PIAS1: variants seen among roughly 807,000 people sequenced by gnomAD.
PIAS1 encodes E3 SUMO-protein ligase PIAS1.
PIAS1 carries 6 observed loss-of-function variants against 71.3 expected under a neutral mutation model. That is an observed-to-expected ratio of 0.08 (90% CI 0.05 to 0.17). The LOEUF (loss-of-function observed/expected upper bound fraction) is 0.17. Among genes scored for constraint, PIAS1 ranks in the 10% least tolerant of loss-of-function variants. PIAS1 has a pLI of 1.00. For synonymous variants in PIAS1, 303 were observed against 292.9 expected (o/e 1.03, Z -0.35); for missense variants, 555 against 793.6 (o/e 0.70, Z 3.61).
At chr15:68,065,778 T>C (rs1388464320) in intron 1 of PIAS1, among the ~76,000 whole-genome samples, 1 of 144,786 alleles carries the variant, frequency 6.9e-6, no homozygotes. Flanking sequence ...TCTCCCTCTC[T>C]TGCCCAGGCT....
At chr15:68,177,981 C>G (rs1371447366) in intron 11 of PIAS1, among the ~76,000 whole-genome samples, 1 of 152,234 alleles carries the variant, frequency 6.6e-6, no homozygotes, top group Non-Finnish European at 1.5e-5. Flanking sequence ...GGCATTGTTA[C>G]AACACCAGAT....
At chr15:68,176,398 T>TAC (rs1677498427) in intron 10 of PIAS1, 76 bp from the exon 11 acceptor site, 16 of 931,798 alleles carry the variant, frequency 1.7e-5, no homozygotes, top group Non-Finnish European at 2.5e-5. Flanking sequence ...CTGTAACTGA[T>TAC]AAACTGTAGT....
At chr15:68,075,305 C>T (rs1177402608) in intron 1 of PIAS1, among the ~76,000 whole-genome samples, 3 of 151,804 alleles carry the variant, frequency 2.0e-5, no homozygotes, top group Non-Finnish European at 4.4e-5. Flanking sequence ...AGGCTGGTCT[C>T]GAACTCCTGA....
intron 2 of PIAS1, among the ~76,000 whole-genome samples, chr15:68,131,635 T>C (rs2092688522): frequency 6.6e-6 from 1 of 152,232 alleles, no homozygotes; most frequent in Non-Finnish European, 1.5e-5. Flanking sequence ...TTAATAAGCA[T>C]AGTATTGTCT....
rs1248326712 is a variant in PIAS1 at position 68,086,536 on chromosome 15, G to A, written c.255G>A (p.Met85Ile). The A allele has an allele frequency of 6.2e-7, 1 of 1,613,806 alleles. No homozygotes were observed. The highest frequency in any genetic ancestry group is 8.5e-7 in the Non-Finnish European group (1 of 1,179,832). The part of the protein sequence containing the change: ...LSIPNVHSSP[M>I]PATLSPSTIP... Reference sequence around the variant, plus strand: ...TCCCCAACGTACATTCAAGTCCTATGCCAGCAACTTTGTCTCCATCTACCA... The same window carrying A: ...TCCCCAACGTACATTCAAGTCCTATACCAGCAACTTTGTCTCCATCTACCA... The change falls in exon 2 of 14, where the codon ATG becomes ATA. Residue 85 changes from methionine to isoleucine, a missense_variant. Met to Ile is a conservative substitution (Grantham distance 10, BLOSUM62 1). Coordinates refer to ENST00000249636, the MANE Select transcript of PIAS1 (RefSeq NM_016166.3). The surrounding 1 kb of genome is among the most constrained non-coding windows in gnomAD (Gnocchi z 7.2).
In PIAS1 at chr15:68,187,518, G is replaced by T; in HGVS notation, c.1663-24G>T. On this transcript the variant is annotated intron_variant, in intron 13 of 13. Coordinates refer to ENST00000249636, the MANE Select transcript of PIAS1 (RefSeq NM_016166.3). The surrounding 1 kb of genome is among the most constrained non-coding windows in gnomAD (Gnocchi z 5.3). ...ATTTGGAAGTATAATTAACATTTTT[G>T]TGTCTTTTGTTTCCCCTCCCTAGCA... is the stretch of plus-strand genomic sequence containing the variant. The T allele has an allele frequency of 1.2e-6, 2 of 1,601,338 alleles. No individual in the cohort carries two copies. The highest frequency in any genetic ancestry group is 1.7e-6 in the Non-Finnish European group (2 of 1,170,008).
chr15:68,139,316 A>G (rs2092754349), intron 2 of PIAS1, among the ~76,000 whole-genome samples: 1 of 152,192 alleles, frequency 6.6e-6, no homozygotes, highest in Admixed American at 6.5e-5. Context: ...GACAAAGTAA[A>G]GGCCACATCT....
rs772857458 is a variant in PIAS1, at chr15:68,185,510, T to C, written c.1662+1843T>C. On this transcript the variant is annotated intron_variant, in intron 13 of 13. Transcript: ENST00000249636. The surrounding 1 kb of genome is among the most constrained non-coding windows in gnomAD (Gnocchi z 4.4). ...TAGATGTGGTTCCTGAGGAATTGAC[T>C]AATGAGCTGTTGGAACTGGAACAGG... is the stretch of plus-strand genomic sequence containing the variant. 4.6e-5 allele frequency among the ~76,000 whole-genome samples: 7 copies of C among 152,204 alleles called. No individual in the cohort carries two copies. The highest frequency in any genetic ancestry group is 8.8e-5 in the Non-Finnish European group (6 of 68,048).
intron 2 of PIAS1, among the ~76,000 whole-genome samples, chr15:68,101,611 GATGCATGCC>G (rs1486005988): frequency 6.6e-6 from 1 of 152,128 alleles, no homozygotes; most frequent in African/African-American, 2.4e-5. Context: ...TGGGACTACA[GATGCATGCC>G]ACTGCGCCTG....
chr15:68,094,745 G>A (rs79523411), intron 2 of PIAS1, among the ~76,000 whole-genome samples: 3,181 of 152,226 alleles, frequency 0.021, 110 homozygotes, highest in African/African-American at 0.072. Flanking sequence ...AGCATAAACT[G>A]TGCTCCTCTA....
At chr15:68,076,726 T>A (rs969605583) in intron 1 of PIAS1, among the ~76,000 whole-genome samples, 2 of 152,168 alleles carry the variant, frequency 1.3e-5, no homozygotes, top group African/African-American at 2.4e-5. Flanking sequence ...TCAGATTTTA[T>A]ATATGACACG....
chr15:68,165,368 G>A (rs541814595), intron 8 of PIAS1, among the ~76,000 whole-genome samples: 4 of 152,170 alleles, frequency 2.6e-5, no homozygotes, highest in South Asian at 2.1e-4. Context: ...TGATCCACCC[G>A]CCTTGGACTC....
At chr15:68,101,049 C>A (rs541514816) in intron 2 of PIAS1, among the ~76,000 whole-genome samples, 2 of 152,110 alleles carry the variant, frequency 1.3e-5, no homozygotes, top group South Asian at 2.1e-4. Context: ...CAGGCACACG[C>A]CACCACACCT....
chr15:68,125,039 A>G (rs2092640984), intron 2 of PIAS1, among the ~76,000 whole-genome samples: 1 of 152,166 alleles, frequency 6.6e-6, no homozygotes, highest in Admixed American at 6.5e-5. Flanking sequence ...TGTTTGGATC[A>G]TCCCATTTAT....
intron 1 of PIAS1, among the ~76,000 whole-genome samples, chr15:68,075,328 C>T (rs543024482): frequency 2.6e-5 from 4 of 151,988 alleles, no homozygotes; most frequent in African/African-American, 4.8e-5. Context: ...TCAGGTGATC[C>T]GCCCACCTCG....
At chr15:68,075,726 C>T (rs1216585573) in intron 1 of PIAS1, among the ~76,000 whole-genome samples, 5 of 150,668 alleles carry the variant, frequency 3.3e-5, no homozygotes, top group Non-Finnish European at 5.9e-5. Context: ...TTTGCTGTAA[C>T]CTATTTTTTT....
intron 2 of PIAS1, among the ~76,000 whole-genome samples, chr15:68,126,955 G>C (rs533747967): frequency 6.6e-6 from 1 of 151,652 alleles, no homozygotes; most frequent in South Asian, 2.1e-4. Flanking sequence ...TTTATTTTGA[G>C]ATGAAATCTT....
In PIAS1 at chr15:68,118,064, C is replaced by T. The variant is rs145658469; in HGVS notation, c.470-23882C>T. Among the ~76,000 whole-genome samples, 1,007 of 152,212 alleles carry T rather than the reference C, an allele frequency of 6.6e-3. 8 individuals carry two copies. The highest frequency in any genetic ancestry group is 0.011 in the Non-Finnish European group (723 of 68,020). ...AGAGTAGGCCAGGTGCAGTGGCTCA[C>T]GCCTGTAATCCCAGCACTTTGGGAG... is the stretch of plus-strand genomic sequence containing the variant. On this transcript the variant is annotated intron_variant, in intron 2 of 13. Transcript: ENST00000249636.
At chr15:68,140,129 T>C (rs1285985059) in intron 2 of PIAS1, among the ~76,000 whole-genome samples, 2 of 152,116 alleles carry the variant, frequency 1.3e-5, no homozygotes, top group African/African-American at 2.4e-5. Flanking sequence ...GGGGCTATTA[T>C]TAAGTAAGAA....
Sources: allele counts gnomAD v4.1 joint callset (sites outside exome capture counted in the v4.1 genomes callset), GRCh38; gene constraint gnomAD v4.1.1; non-coding constraint Gnocchi (gnomAD v3.1); transcripts MANE v1.5; gene names NCBI Gene and HGNC (gene_info 2026-07-23, HGNC 2026-07-21).